CHRDL2: variants seen among roughly 807,000 people sequenced by gnomAD.
The protein encoded by CHRDL2 is chordin like 2.
A neutral mutation model predicts 54.3 loss-of-function variants in CHRDL2; 41 were observed. The ratio of observed to expected loss-of-function variants is 0.76; its 90% confidence interval spans 0.59 to 0.98. The LOEUF is 0.98. CHRDL2 is among the 50% of genes least tolerant of loss of function. The pLI is 0.00. For synonymous variants in CHRDL2, 220 were observed against 224.3 expected (o/e 0.98, Z 0.17); for missense variants, 518 against 562.4 (o/e 0.92, Z 0.80).
Position 74,702,750 on chromosome 11 carries a change from G to T in CHRDL2, c.1120+44C>A, listed in dbSNP as rs565611163. The T allele has an allele frequency of 5.6e-6, 9 of 1,603,774 alleles. No homozygotes were observed. In the East Asian group the frequency reaches 1.3e-4, roughly 24 times the overall value. On this transcript the variant is annotated intron_variant, in intron 9 of 10. Transcript: ENST00000376332. ...GTGGGGTCTGGGGCACGGGAAGGGG[G>T]ACTGGCCAGAGGTACACCCCACTGG...
At chr11:74,707,588 T>C (rs527351915) in intron 5 of CHRDL2, among the ~76,000 whole-genome samples, 2 of 152,276 alleles carry the variant, frequency 1.3e-5, no homozygotes, top group South Asian at 4.1e-4. Flanking sequence ...GAAGGCAGGA[T>C]GAGACGTAGT....
intron 3 of CHRDL2, among the ~76,000 whole-genome samples, chr11:74,712,529 C>T (rs909669282): frequency 2.0e-5 from 3 of 152,130 alleles, no homozygotes; most frequent in Non-Finnish European, 2.9e-5. Flanking sequence ...ACTGTCCCCC[C>T]GGGGACCCAC....
chr11:74,717,069 G>C (rs569092116), intron 2 of CHRDL2, among the ~76,000 whole-genome samples: 10 of 152,030 alleles, frequency 6.6e-5, no homozygotes, highest in African/African-American at 2.4e-4. Context: ...ACTCCAGCCT[G>C]GGTGCCAGAG....
rs369936137 is a variant in CHRDL2, at chr11:74,701,906, G to A, written c.1120+888C>T. On this transcript the variant is annotated intron_variant, in intron 9 of 10. Coordinates refer to ENST00000376332, the MANE Select transcript of CHRDL2 (RefSeq NM_001278473.3). The stretch of plus-strand genomic sequence containing the variant: ...GGCTTAACAGTTCACTCTACCCAGA[G>A]GACTTATGTTTTACAAGAAAGGCCA... Among the ~76,000 whole-genome samples the A allele has an allele frequency of 7.2e-5, 11 of 152,156 alleles. No homozygotes were observed. The East Asian group carries it at 1.2e-3, about 16-fold the overall frequency.
At position 74,713,435 on chromosome 11, in the gene CHRDL2, G is replaced by A. The variant is rs1426097920; in HGVS notation, c.240C>T (p.His80=). 1.9e-6 allele frequency: 3 copies of A among 1,614,212 alleles called. No individual in the cohort carries two copies. The highest frequency in any genetic ancestry group is 3.3e-5 in the Admixed American group (2 of 60,032). ...GTGGCTCCGTCACAGGCTGGGGGCA[G>A]TGGACAGGCGGACAGTGGAGGCGGT... ...SCYRLHCPPV[H]CPQPVTEPQQ... The change falls in exon 3 of 11, where the codon CAC becomes CAT. Residue 80 remains histidine (H), a synonymous_variant. Coordinates refer to ENST00000376332, the MANE Select transcript of CHRDL2 (RefSeq NM_001278473.3).
intron 9 of CHRDL2, chr11:74,697,638 C>G (rs1186701005): frequency 4.3e-6 from 2 of 469,610 alleles, no homozygotes; most frequent in Admixed American, 4.7e-5. Flanking sequence ...GTCGCCTCCA[C>G]AGTGAAGCCT....
chr11:74,719,117 T>G, intron 1 of CHRDL2: 1 of 364,380 alleles, frequency 2.7e-6, no homozygotes. Context: ...TGAAATGCTG[T>G]ACAGATTTAT....
Position 74,731,084 on chromosome 11 carries a change from A to C in CHRDL2, c.-196T>G. The C allele has an allele frequency of 1.7e-6, 1 of 586,516 alleles. No individual in the cohort carries two copies. Among genetic ancestry groups the C allele is most frequent in the South Asian group, 2.0e-5 (1 of 48,794 alleles). The allele number at this position is 586,516 out of a possible 1,614,324, so 36.3% of individuals were successfully genotyped here. A position where few individuals can be genotyped will look rare whatever the true frequency, so the allele number is the denominator to read the frequency against. On this transcript the variant is annotated 5_prime_UTR_variant, in exon 1 of 11. Transcript: ENST00000376332. This position sits in a 1 kb window ranked among gnomAD's most constrained non-coding sequence, Gnocchi z 4.4. ...GGAAGGGAGGTCTAAGGTGGGAAGA[A>C]GAGAAAGGTGGAAAGAGAACGCGGG...
intron 2 of CHRDL2, among the ~76,000 whole-genome samples, chr11:74,716,540 C>CAAAAAAAAAAAAAA (rs751918696): frequency 1.7e-5 from 1 of 57,632 alleles, no homozygotes; most frequent in Non-Finnish European, 3.5e-5. Context: ...ACTCCATCTC[C>CAAAAAAAAAAAAAA]AAAAAAAAAA....
chr11:74,719,945 C>A (rs1330813928), intron 1 of CHRDL2, among the ~76,000 whole-genome samples: 3 of 152,142 alleles, frequency 2.0e-5, no homozygotes, highest in African/African-American at 7.2e-5. Flanking sequence ...CCTCACCAAC[C>A]CTCCTCTACG....
intron 3 of CHRDL2, among the ~76,000 whole-genome samples, chr11:74,711,634 T>C (rs1431210568): frequency 3.3e-5 from 5 of 152,042 alleles, no homozygotes; most frequent in Non-Finnish European, 7.4e-5. Context: ...TGCTAGGCAT[T>C]GGGAATGGAG....
intron 5 of CHRDL2, among the ~76,000 whole-genome samples, chr11:74,707,929 T>C: frequency 6.6e-6 from 1 of 152,104 alleles, no homozygotes; most frequent in East Asian, 1.9e-4. Context: ...GTGGACACAT[T>C]CTTACTGCTT....
intron 1 of CHRDL2, among the ~76,000 whole-genome samples, chr11:74,728,790 T>G (rs907964054): frequency 6.6e-6 from 1 of 152,186 alleles, no homozygotes; most frequent in African/African-American, 2.4e-5. Context: ...TAGAAGCAGA[T>G]GGTTTTTGAT....
In CHRDL2 at chr11:74,703,497, A is replaced by G; in HGVS notation, c.754T>C (p.Cys252Arg). 1.3e-6 allele frequency: 2 copies of G among 1,585,918 alleles called. No homozygotes were observed. Among genetic ancestry groups the G allele is most frequent in the African/African-American group, 1.3e-5 (1 of 74,612 alleles). Residue 252 changes from cysteine to arginine, a missense_variant and splice_region_variant, in exon 8 of 11, where the codon TGT becomes CGT. By Grantham distance (180) the Cys-to-Arg change is radical (BLOSUM62 -3). Coordinates refer to ENST00000376332, the MANE Select transcript of CHRDL2 (RefSeq NM_001278473.3). Reference protein sequence around the residue: ...IVLKEKHKKACVHGGKTYSHG... With the variant: ...IVLKEKHKKARVHGGKTYSHG... ...GAGTACGTCTTCCCGCCATGCACACAGGCTGAATAAGGAGGGTGAGAAGGA... is the reference window on the plus strand; with the variant it reads ...GAGTACGTCTTCCCGCCATGCACACGGGCTGAATAAGGAGGGTGAGAAGGA...
At chr11:74,721,967 A>G (rs192518798) in intron 1 of CHRDL2, among the ~76,000 whole-genome samples, 20 of 152,332 alleles carry the variant, frequency 1.3e-4, no homozygotes, top group Non-Finnish European at 7.4e-5. Flanking sequence ...AGCTTCTAGA[A>G]TTGTCCAATG....
intron 8 of CHRDL2, 42 bp from the exon 9 acceptor site, chr11:74,703,009 G>A (rs767632938): frequency 1.3e-6 from 2 of 1,538,602 alleles, no homozygotes; most frequent in African/African-American, 2.8e-5. Flanking sequence ...ATAAACGTTG[G>A]CTGTACCTCT....
chr11:74,727,717 T>C (rs986892082), intron 1 of CHRDL2, among the ~76,000 whole-genome samples: 1 of 151,962 alleles, frequency 6.6e-6, no homozygotes, highest in Non-Finnish European at 1.5e-5. Flanking sequence ...ATGTTTTTAC[T>C]TGGTAACTGA....
chr11:74,711,493 C>T (rs187341177), intron 3 of CHRDL2, among the ~76,000 whole-genome samples: 1 of 152,230 alleles, frequency 6.6e-6, no homozygotes, highest in African/African-American at 2.4e-5. Context: ...GCCCCCAGAG[C>T]CCCCCTCCCC....
chr11:74,704,398 G>C, intron 7 of CHRDL2, 88 bp downstream of exon 7: 1 of 1,296,894 alleles, frequency 7.7e-7, no homozygotes, highest in South Asian at 1.4e-5. Context: ...CTGCTGAGGA[G>C]AGGGTTCAGG....
Sources: allele counts gnomAD v4.1 joint callset (sites outside exome capture counted in the v4.1 genomes callset), GRCh38; gene constraint gnomAD v4.1.1; non-coding constraint Gnocchi (gnomAD v3.1); transcripts MANE v1.5; gene names NCBI Gene and HGNC (gene_info 2026-07-23, HGNC 2026-07-21).